The following SORCS1 variants were observed in gnomAD, a reference collection of about 807,000 sequenced individuals.
SORCS1 encodes sortilin related VPS10 domain containing receptor 1.
A neutral mutation model predicts 146.1 loss-of-function variants in SORCS1; 60 were observed. The observed-to-expected ratio is 0.41, with a 90% CI of 0.33 to 0.51. The LOEUF is 0.51. Among genes scored for constraint, SORCS1 ranks in the 20% least tolerant of loss-of-function variants. The probability of loss-of-function intolerance (pLI) is 0.21; values close to 1 mark genes in which losing one functional copy is unlikely to be tolerated. For synonymous variants in SORCS1, 637 were observed against 584.0 expected (o/e 1.09, Z -1.31); for missense variants, 1,352 against 1,487.6 (o/e 0.91, Z 1.50).
intron 1 of SORCS1, among the ~76,000 whole-genome samples, chr10:107,041,107 T>G (rs988585281): frequency 6.6e-6 from 1 of 152,172 alleles, no homozygotes; most frequent in Admixed American, 6.6e-5. Flanking sequence ...TAAAAATCTC[T>G]AAGATGTATT....
chr10:107,099,864 C>G (rs964312780), intron 1 of SORCS1, among the ~76,000 whole-genome samples: 3 of 152,218 alleles, frequency 2.0e-5, no homozygotes, highest in Admixed American at 2.0e-4. Flanking sequence ...GCAAAATATA[C>G]ATGATTTCTG....
chr10:106,730,420 G>T (rs1282526247), intron 5 of SORCS1, among the ~76,000 whole-genome samples: 1 of 152,220 alleles, frequency 6.6e-6, no homozygotes, highest in Non-Finnish European at 1.5e-5. Flanking sequence ...AACAACCCCA[G>T]TGACAGTGTA....
intron 5 of SORCS1, among the ~76,000 whole-genome samples, chr10:106,734,343 T>G (rs1427642539): frequency 3.3e-5 from 5 of 152,274 alleles, no homozygotes; most frequent in African/African-American, 1.2e-4. Flanking sequence ...ATGACTGAAG[T>G]TGAAAACAGG....
At chr10:106,752,145 T>C (rs1383108053) in intron 5 of SORCS1, among the ~76,000 whole-genome samples, 2 of 152,190 alleles carry the variant, frequency 1.3e-5, no homozygotes, top group Non-Finnish European at 2.9e-5. Context: ...AATATGTTCA[T>C]CCTAAATCCA....
At chr10:107,138,542 C>T (rs1300109435) in intron 1 of SORCS1, among the ~76,000 whole-genome samples, 2 of 152,152 alleles carry the variant, frequency 1.3e-5, no homozygotes, top group African/African-American at 2.4e-5. Flanking sequence ...ACCCATTCTT[C>T]GTCTAAGATA....
Position 106,647,211 on chromosome 10 carries a change from G to T in SORCS1, c.2475+5171C>A, listed in dbSNP as rs546358185. On this transcript the variant is annotated intron_variant, in intron 18 of 25. Coordinates refer to ENST00000263054, the MANE Select transcript of SORCS1 (RefSeq NM_052918.5). ...AATTCAAGTCAATATGAAGAAAATTGATGTCTTTTTATAATACTGAGTCTT... is the reference window on the plus strand; with the variant it reads ...AATTCAAGTCAATATGAAGAAAATTTATGTCTTTTTATAATACTGAGTCTT... Among the ~76,000 whole-genome samples the T allele has an allele frequency of 4.6e-5, 7 of 151,850 alleles. No homozygotes were observed. The South Asian group carries it at 1.5e-3, about 32-fold the overall frequency.
chr10:107,072,647 GGAGA>G (rs886592274), intron 1 of SORCS1, among the ~76,000 whole-genome samples: 2 of 150,388 alleles, frequency 1.3e-5, no homozygotes, highest in East Asian at 2.0e-4. Flanking sequence ...ATGGCGAGAG[GGAGA>G]GAGAGAACGA....
In SORCS1 at chr10:106,710,571, G is replaced by A. The variant is rs1289405621; in HGVS notation, c.1025-1230C>T. Reference sequence around the variant, plus strand: ...CAACATCAGTAATGACAACTCTTACGTCAGTTTGGTCGCTATTGCTGGAAA... The same window carrying A: ...CAACATCAGTAATGACAACTCTTACATCAGTTTGGTCGCTATTGCTGGAAA... On this transcript the variant is annotated intron_variant, in intron 6 of 25. Coordinates refer to ENST00000263054, the MANE Select transcript of SORCS1 (RefSeq NM_052918.5). Among the ~76,000 whole-genome samples the A allele has an allele frequency of 3.3e-5, 5 of 152,168 alleles. No homozygotes were observed. The South Asian group carries it at 6.2e-4, about 19-fold the overall frequency.
chr10:107,000,366 G>A (rs1329855197), intron 1 of SORCS1, among the ~76,000 whole-genome samples: 5 of 151,852 alleles, frequency 3.3e-5, no homozygotes, highest in Admixed American at 6.6e-5. Context: ...TTGGGACGCC[G>A]AGGCGTGTGC....
chr10:107,075,986 A>C (rs1320207504), intron 1 of SORCS1, among the ~76,000 whole-genome samples: 1 of 152,114 alleles, frequency 6.6e-6, no homozygotes, highest in Non-Finnish European at 1.5e-5. Flanking sequence ...TTATTTCAAA[A>C]GGGTGACACC....
intron 2 of SORCS1, among the ~76,000 whole-genome samples, chr10:106,880,269 C>T (rs182137671): frequency 3.9e-5 from 6 of 152,254 alleles, no homozygotes; most frequent in African/African-American, 1.4e-4. Context: ...AGAATTGTTG[C>T]ACTTCAGTCT....
chr10:106,785,412 T>G (rs1469333406), intron 3 of SORCS1, among the ~76,000 whole-genome samples: 1 of 152,120 alleles, frequency 6.6e-6, no homozygotes, highest in African/African-American at 2.4e-5. Flanking sequence ...TCTCACTGGG[T>G]TTTTGGTATT....
chr10:106,671,397 G>A, intron 15 of SORCS1, 30 bp from the exon 16 acceptor site: 3 of 1,613,070 alleles, frequency 1.9e-6, no homozygotes, highest in South Asian at 1.1e-5. Flanking sequence ...ACAGATACTT[G>A]GGCACATAGC....
chr10:106,920,673 G>A (rs1237967845), intron 2 of SORCS1, among the ~76,000 whole-genome samples: 4 of 152,222 alleles, frequency 2.6e-5, no homozygotes, highest in Non-Finnish European at 4.4e-5. Flanking sequence ...AGAGAAAAGC[G>A]TGTAGGAAGT....
intron 2 of SORCS1, among the ~76,000 whole-genome samples, chr10:106,927,655 C>T (rs1254288767): frequency 1.3e-5 from 2 of 152,194 alleles, no homozygotes; most frequent in Admixed American, 6.5e-5. Context: ...CGTTTACAAT[C>T]CCTGAGCTAG....
At chr10:106,705,035 T>G (rs967096116) in intron 8 of SORCS1, among the ~76,000 whole-genome samples, 7 of 152,176 alleles carry the variant, frequency 4.6e-5, no homozygotes, top group Non-Finnish European at 1.0e-4. Context: ...TCCTTTTACA[T>G]AGTGATGTTA....
intron 1 of SORCS1, among the ~76,000 whole-genome samples, chr10:106,979,072 T>G (rs11193140): frequency 6.6e-6 from 1 of 152,086 alleles, no homozygotes; most frequent in African/African-American, 2.4e-5. Context: ...TATAAAATTT[T>G]GGAGGCTTGG....
intron 18 of SORCS1, among the ~76,000 whole-genome samples, chr10:106,647,572 A>G (rs1055453640): frequency 6.6e-6 from 1 of 152,230 alleles, no homozygotes; most frequent in African/African-American, 2.4e-5. Context: ...CAAATAGTCA[A>G]TTGATTTATG....
At chr10:106,993,158 C>T (rs1389665494) in intron 1 of SORCS1, among the ~76,000 whole-genome samples, 1 of 151,538 alleles carries the variant, frequency 6.6e-6, no homozygotes, top group African/African-American at 2.4e-5. Flanking sequence ...ACAGGGCTTT[C>T]ATGTCAGGTT....
Sources: allele counts gnomAD v4.1 joint callset (sites outside exome capture counted in the v4.1 genomes callset), GRCh38; gene constraint gnomAD v4.1.1; transcripts MANE v1.5; gene names NCBI Gene and HGNC (gene_info 2026-07-23, HGNC 2026-07-21).